WNK2: variants seen among roughly 807,000 people sequenced by gnomAD.
The protein encoded by WNK2 is serine/threonine-protein kinase WNK2.
A neutral mutation model predicts 192.1 loss-of-function variants in WNK2; 67 were observed. The observed-to-expected ratio is 0.35, with a 90% CI of 0.29 to 0.43. WNK2 has a LOEUF of 0.43. WNK2 is among the 20% of genes least tolerant of loss of function. The pLI is 1.00. For missense variants in WNK2, 2,698 were observed against 3,089.7 expected, an observed-to-expected ratio of 0.87 and a Z score of 3.01; for synonymous variants, 1,439 against 1,393.9, an observed-to-expected ratio of 1.03 and a Z score of -0.72.
At chr9:93,317,883 C>T (rs764822977) in intron 29 of WNK2, 58 of 1,569,888 alleles carry the variant, frequency 3.7e-5, no homozygotes, top group Middle Eastern at 1.7e-4. Context: ...ATGGCGCCCT[C>T]GGAACCGCCC....
rs1305938280 is a variant in WNK2 at position 93,185,056 on chromosome 9, C to T, written c.127C>T (p.Arg43Trp). The change falls in exon 2 of 30, where the codon CGG (arginine) becomes TGG (tryptophan). Residue 43 changes from arginine to tryptophan, a missense_variant. By Grantham distance (101) the Arg-to-Trp change is moderately radical. Around this residue, in one of 7 missense-constraint regions of WNK2, gnomAD observed 260 missense variants for 285.6 expected, o/e 0.91. Transcript: ENST00000427277. ...AARPGPQRFL[R>W]RSVVESDQEE... ...GCGGCCGGGGCCCCAGCGCTTTCTG[C>T]GGCGCAGCGTGGTAGAGTCGGACCA... 3.1e-6 allele frequency: 4 copies of T among 1,299,208 alleles called. No individual in the cohort carries two copies. In the South Asian group the frequency reaches 6.5e-5, roughly 21 times the overall value. 80.5% of individuals were successfully genotyped at this position (1,299,208 alleles called of 1,614,324 possible).
At chr9:93,296,583 A>G (rs1230502600) in intron 23 of WNK2, among the ~76,000 whole-genome samples, 2 of 28,248 alleles carry the variant, frequency 7.1e-5, no homozygotes, top group Admixed American at 5.3e-4. Context: ...TTCCCCCTTC[A>G]TCCTCCTTTC....
chr9:93,249,089 T>C (rs896689319), intron 8 of WNK2, among the ~76,000 whole-genome samples: 3 of 152,220 alleles, frequency 2.0e-5, no homozygotes, highest in Non-Finnish European at 4.4e-5. Flanking sequence ...ATAAAATTGG[T>C]ACATTATTGC....
intron 2 of WNK2, among the ~76,000 whole-genome samples, chr9:93,218,902 CGTGGGGAGCCTGGAT>C (rs1836285632): frequency 6.6e-6 from 1 of 152,174 alleles, no homozygotes; most frequent in Admixed American, 6.5e-5. Flanking sequence ...AACAGACGGG[CGTGGGGAGCCTGGAT>C]GTGACAGGTT....
intron 9 of WNK2, among the ~76,000 whole-genome samples, chr9:93,253,585 C>T (rs543488185): frequency 3.9e-5 from 6 of 152,232 alleles, no homozygotes; most frequent in East Asian, 3.9e-4. Context: ...TGCCCAGCCT[C>T]CTGAGGGGCT....
chr9:93,316,237 ATCTTCT>A (rs1261662775), intron 28 of WNK2: 1 of 152,178 alleles, frequency 6.6e-6, no homozygotes, highest in Non-Finnish European at 1.5e-5. Context: ...TTCAGTGTTG[ATCTTCT>A]TCAAGAAGTT....
At chr9:93,235,553 G>A (rs1839661637) in intron 5 of WNK2, among the ~76,000 whole-genome samples, 1 of 152,210 alleles carries the variant, frequency 6.6e-6, no homozygotes, top group East Asian at 1.9e-4. Flanking sequence ...GATCTGTCTT[G>A]TCCTCCCTCT....
intron 2 of WNK2, among the ~76,000 whole-genome samples, chr9:93,221,320 C>T (rs1836842499): frequency 6.6e-6 from 1 of 152,194 alleles, no homozygotes; most frequent in African/African-American, 2.4e-5. Context: ...CTAGAGGAGT[C>T]CCTGGCATGG....
At chr9:93,227,474 T>C (rs973287733) in intron 2 of WNK2, among the ~76,000 whole-genome samples, 9 of 151,914 alleles carry the variant, frequency 5.9e-5, no homozygotes, top group African/African-American at 2.2e-4. Context: ...GTGGTCTTTG[T>C]TGGCATTTTC....
At chr9:93,317,343 G>T (rs892082895) in intron 28 of WNK2, 177 bp from the exon 29 acceptor site, 3 of 636,402 alleles carry the variant, frequency 4.7e-6, no homozygotes, top group Admixed American at 5.4e-5. Context: ...GGAGGGTGAT[G>T]GTTCCTGGCC....
rs375916312 is a variant in WNK2 at position 93,292,579 on chromosome 9, C to T, written c.5114C>T (p.Pro1705Leu). ...GGAGAAAGCTCGGCAGAGCCCCCGC[C>T]GAGTGACATGGGCACAGTGGGGGGC... is the stretch of plus-strand genomic sequence containing the variant. ...EAGESSAEPPPSDMGTVGGQA... is the reference protein window; with the variant it reads ...EAGESSAEPPLSDMGTVGGQA... The change falls in exon 23 of 30, where the codon CCG (proline) becomes CTG (leucine). Residue 1705 changes from proline (P) to leucine (L), a missense_variant. Physicochemically the swap from Pro to Leu is moderately conservative, Grantham distance 98. This residue lies in a region of WNK2 where 1,098 missense variants were observed against 1,101.0 expected (regional missense o/e 1.00). Coordinates refer to ENST00000427277, the MANE Select transcript of WNK2 (RefSeq NM_006648.4). The T allele has an allele frequency of 1.2e-5, 19 of 1,572,932 alleles. No homozygotes were observed. Among genetic ancestry groups the T allele is most frequent in the African/African-American group, 2.7e-5 (2 of 73,820 alleles).
chr9:93,257,081 T>C lies in WNK2; in HGVS notation c.2324T>C (p.Leu775Pro). The change falls in exon 11 of 30, where the codon CTG becomes CCG. Residue 775 changes from leucine to proline, a missense_variant. By Grantham distance (98) the Leu-to-Pro change is moderately conservative. Transcript: ENST00000427277. This position sits in a 1 kb window ranked among gnomAD's most constrained non-coding sequence, Gnocchi z 4.7. ...TCCCAGGTGGGGGCCCCCGCTCAGCTGAAGCCCCTCCAGATGCCACAGGCG... is the reference window on the plus strand; with the variant it reads ...TCCCAGGTGGGGGCCCCCGCTCAGCCGAAGCCCCTCCAGATGCCACAGGCG... ...PASQVGAPAQLKPLQMPQAPL... is the reference protein window; with the variant it reads ...PASQVGAPAQPKPLQMPQAPL... 6.2e-7 allele frequency: 1 copy of C among 1,608,616 alleles called. No individual in the cohort carries two copies.
Position 93,289,118 on chromosome 9 carries a change from C to G in WNK2, c.4364C>G (p.Pro1455Arg). ...AVQPLVVGLA[P>R]CTPAPEAAST... The stretch of plus-strand genomic sequence containing the variant: ...CAGCCCCTCGTGGTGGGCCTAGCAC[C>G]TTGCACTCCAGCTCCAGAGGCTGCC... The change falls in exon 20 of 30, where the codon CCT (proline) becomes CGT (arginine). Residue 1455 changes from proline to arginine, a missense_variant. Transcript: ENST00000427277. The G allele has an allele frequency of 6.2e-7, 1 of 1,605,028 alleles. No individual in the cohort carries two copies. Among genetic ancestry groups the G allele is most frequent in the Non-Finnish European group, 8.5e-7 (1 of 1,175,270 alleles).
chr9:93,241,706 C>T (rs1308149272), intron 7 of WNK2, among the ~76,000 whole-genome samples: 1 of 152,122 alleles, frequency 6.6e-6, no homozygotes, highest in East Asian at 1.9e-4. Context: ...GCTGGGGTGC[C>T]AGTGAGCTGC....
chr9:93,256,614 C>T (rs1843334954), intron 10 of WNK2, 160 bp downstream of exon 10: 2 of 866,154 alleles, frequency 2.3e-6, no homozygotes, highest in Middle Eastern at 3.5e-4. Flanking sequence ...GAGTGACTCT[C>T]GTATGTGCAT....
At chr9:93,197,292 G>A (rs1322062222) in intron 2 of WNK2, among the ~76,000 whole-genome samples, 1 of 152,150 alleles carries the variant, frequency 6.6e-6, no homozygotes, top group Non-Finnish European at 1.5e-5. Flanking sequence ...CGTGCTCCAG[G>A]CACTCCAGGA....
chr9:93,232,585 C>T (rs1161374855), intron 4 of WNK2, among the ~76,000 whole-genome samples: 2 of 152,216 alleles, frequency 1.3e-5, no homozygotes, highest in East Asian at 3.9e-4. Context: ...CAGGAGTGAA[C>T]ACTCCTGGAG....
intron 2 of WNK2, among the ~76,000 whole-genome samples, chr9:93,203,813 C>T (rs1029328710): frequency 2.6e-5 from 4 of 151,988 alleles, no homozygotes; most frequent in African/African-American, 9.7e-5. Context: ...TGTTGGAAGC[C>T]CTGTGTGTGG....
intron 5 of WNK2, among the ~76,000 whole-genome samples, chr9:93,236,878 A>G (rs1311142193): frequency 1.3e-5 from 2 of 152,258 alleles, no homozygotes; most frequent in East Asian, 1.9e-4. Context: ...CGCTGCCTCT[A>G]CTAGCCTCCT....
Sources: allele counts gnomAD v4.1 joint callset (sites outside exome capture counted in the v4.1 genomes callset), GRCh38; gene constraint gnomAD v4.1.1; regional missense constraint gnomAD v4.1.1; non-coding constraint Gnocchi (gnomAD v3.1); transcripts MANE v1.5; gene names NCBI Gene and HGNC (gene_info 2026-07-23, HGNC 2026-07-21).